PKP4: variants seen among roughly 807,000 people sequenced by gnomAD.
PKP4 encodes plakophilin 4.
PKP4 carries 90 observed loss-of-function variants against 145.1 expected under a neutral mutation model. That is an observed-to-expected ratio of 0.62 (90% CI 0.52 to 0.74). The LOEUF (loss-of-function observed/expected upper bound fraction) is 0.74, where lower values mean the gene tolerates loss of function less well. Among genes scored for constraint, PKP4 ranks in the 30% least tolerant of loss-of-function variants. The pLI is 0.00. For missense variants in PKP4, 1,340 were observed against 1,482.7 expected (o/e 0.90, Z 1.58); for synonymous variants, 563 against 577.2 (o/e 0.98, Z 0.35).
At chr2:158,474,770 G>A (rs186427568) in intron 1 of PKP4, among the ~76,000 whole-genome samples, 13 of 152,134 alleles carry the variant, frequency 8.5e-5, no homozygotes, top group Non-Finnish European at 1.9e-4. Context: ...CCCCAGCCCC[G>A]CACTCAGTGG....
chr2:158,607,566 G>A (rs1240203846), intron 4 of PKP4, among the ~76,000 whole-genome samples: 2 of 152,162 alleles, frequency 1.3e-5, no homozygotes, highest in South Asian at 2.1e-4. Context: ...AGCTGGAGCA[G>A]TGGGAGGGGC....
intron 11 of PKP4, among the ~76,000 whole-genome samples, chr2:158,651,324 C>T (rs900480638): frequency 1.3e-5 from 2 of 152,120 alleles, no homozygotes; most frequent in African/African-American, 4.8e-5. Context: ...ACACCACCCT[C>T]AGTTTGCATC....
At chr2:158,460,810 C>T (rs1204708949) in intron 1 of PKP4, among the ~76,000 whole-genome samples, 1 of 152,200 alleles carries the variant, frequency 6.6e-6, no homozygotes, top group Non-Finnish European at 1.5e-5. Context: ...GAGATAGTTA[C>T]TCCTTCAATG....
At chr2:158,504,342 A>C (rs1208418803) in intron 1 of PKP4, among the ~76,000 whole-genome samples, 1 of 152,228 alleles carries the variant, frequency 6.6e-6, no homozygotes, top group Non-Finnish European at 1.5e-5. Flanking sequence ...GAATGAACAA[A>C]TGAACAATTG....
chr2:158,600,987 A>G lies in PKP4; in HGVS notation c.246-2083A>G, dbSNP rs140555309. ...CACAACGAGGTTGCTGGAGCTTCCT[A>G]CCTAGACTCGGGGAGAATAAGTTGA... On this transcript the variant is annotated intron_variant, in intron 3 of 21. Coordinates refer to ENST00000389759, the MANE Select transcript of PKP4 (RefSeq NM_003628.6). Among the ~76,000 whole-genome samples the G allele has an allele frequency of 3.9e-5, 6 of 152,258 alleles. No individual in the cohort carries two copies. The East Asian group carries it at 1.2e-3, about 29-fold the overall frequency.
chr2:158,533,903 A>G (rs1351493062), intron 2 of PKP4, among the ~76,000 whole-genome samples: 1 of 152,126 alleles, frequency 6.6e-6, no homozygotes, highest in Non-Finnish European at 1.5e-5. Flanking sequence ...CTCCTATATT[A>G]GGTCTTATCA....
intron 3 of PKP4, among the ~76,000 whole-genome samples, chr2:158,595,560 A>G (rs2049655018): frequency 6.6e-6 from 1 of 152,248 alleles, no homozygotes; most frequent in African/African-American, 2.4e-5. Context: ...AAATGCATTA[A>G]GAGATAGACG....
rs756199069 is a variant in PKP4, at chr2:158,577,392, C to T, written c.245+9C>T. On this transcript the variant is annotated intron_variant, in intron 3 of 21. Transcript: ENST00000389759. ...AGCATCGCCAGCACCAGGTACAGGG[C>T]CAATGGCTCCATCTTTATGCACACT... is the stretch of plus-strand genomic sequence containing the variant. 3.9e-6 allele frequency: 6 copies of T among 1,539,066 alleles called. No individual in the cohort carries two copies. In the Admixed American group the frequency reaches 5.1e-5, roughly 13 times the overall value.
chr2:158,611,915 T>C (rs1406371384), intron 4 of PKP4, among the ~76,000 whole-genome samples: 1 of 152,158 alleles, frequency 6.6e-6, no homozygotes, highest in Non-Finnish European at 1.5e-5. Context: ...CCACACAGTC[T>C]TGACTGCCTT....
At chr2:158,487,474 G>GTA (rs2105453436) in intron 1 of PKP4, among the ~76,000 whole-genome samples, 1 of 152,250 alleles carries the variant, frequency 6.6e-6, no homozygotes, top group East Asian at 1.9e-4. Context: ...ATTTTCTGAT[G>GTA]TATAAAGAAA....
intron 11 of PKP4, among the ~76,000 whole-genome samples, chr2:158,655,652 A>G (rs1403770308): frequency 6.6e-6 from 1 of 152,238 alleles, no homozygotes; most frequent in East Asian, 1.9e-4. Context: ...AAAATATCCT[A>G]TTGAAAAATG....
chr2:158,668,252 C>T (rs1389703170), intron 16 of PKP4, among the ~76,000 whole-genome samples: 2 of 151,642 alleles, frequency 1.3e-5, no homozygotes, highest in East Asian at 3.9e-4. Context: ...TCCCGTCTTC[C>T]TGTGAGATCT....
Position 158,621,398 on chromosome 2 carries a change from G to A in PKP4, c.580G>A (p.Ala194Thr). ...CAACCATGTGGTGAGGAATTCAAGA[G>A]CTGAAGGACAAACACTGGTTCAGGT... ...TNNHVVRNSR[A>T]EGQTLVQPSV... The change falls in exon 6 of 22, where the codon GCT becomes ACT. Residue 194 changes from alanine (A) to threonine (T), a missense_variant. Physicochemically the swap from Ala to Thr is moderately conservative, Grantham distance 58. Transcript: ENST00000389759. 6.2e-7 allele frequency: 1 copy of A among 1,614,076 alleles called. No homozygotes were observed. Among genetic ancestry groups the A allele is most frequent in the Non-Finnish European group, 8.5e-7 (1 of 1,179,940 alleles).
At chr2:158,621,456 T>C in intron 6 of PKP4, 35 bp downstream of exon 6, 2 of 1,580,022 alleles carry the variant, frequency 1.3e-6, no homozygotes, top group Non-Finnish European at 1.7e-6. Flanking sequence ...TGCAAAGAAA[T>C]ACCTTCCGGC....
At chr2:158,530,436 G>A (rs1010367194) in intron 1 of PKP4, among the ~76,000 whole-genome samples, 7 of 150,648 alleles carry the variant, frequency 4.6e-5, no homozygotes, top group Non-Finnish European at 5.9e-5. Context: ...CAAGCAAATT[G>A]AGGTCACTGA....
At chr2:158,669,102 A>G (rs1239347670) in intron 16 of PKP4, 5 of 152,230 alleles carry the variant, frequency 3.3e-5, no homozygotes, top group Admixed American at 3.3e-4. Flanking sequence ...GGGAGATAAC[A>G]TACCTATAAT....
intron 3 of PKP4, among the ~76,000 whole-genome samples, chr2:158,598,629 C>T (rs958255448): frequency 1.3e-4 from 20 of 152,140 alleles, no homozygotes; most frequent in Middle Eastern, 3.4e-3. Flanking sequence ...ATTAGCCGGG[C>T]ATGGTAGCGG....
intron 2 of PKP4, among the ~76,000 whole-genome samples, chr2:158,535,884 T>A (rs2043994874): frequency 6.6e-6 from 1 of 152,206 alleles, no homozygotes; most frequent in South Asian, 2.1e-4. Flanking sequence ...GTACATAAAA[T>A]TCTGTTTTCT....
intron 3 of PKP4, among the ~76,000 whole-genome samples, chr2:158,595,634 T>C (rs115575766): frequency 1.5e-3 from 225 of 152,310 alleles, no homozygotes; most frequent in African/African-American, 5.1e-3. Flanking sequence ...GAAATAAAAA[T>C]CTTAAAGTAT....
Sources: allele counts gnomAD v4.1 joint callset (sites outside exome capture counted in the v4.1 genomes callset), GRCh38; gene constraint gnomAD v4.1.1; transcripts MANE v1.5; gene names NCBI Gene and HGNC (gene_info 2026-07-23, HGNC 2026-07-21).